Variants in DDX60 observed in about 807,000 individuals in gnomAD.
DDX60 encodes the protein DExD/H-box helicase 60.
DDX60 carries 165 observed loss-of-function variants against 212.8 expected under a neutral mutation model. That is an observed-to-expected ratio of 0.78 (90% CI 0.68 to 0.88). The LOEUF is 0.88. Ranked by LOEUF, DDX60 falls within the 40% of genes least tolerant of loss-of-function variation. The pLI, the probability that DDX60 is intolerant of heterozygous loss-of-function variation, is 0.00. For missense variants in DDX60, 1,905 were observed against 2,003.9 expected (o/e 0.95, Z 0.94); for synonymous variants, 703 against 685.3 (o/e 1.03, Z -0.40).
At chr4:168,311,160 A>C in intron 2 of DDX60, 93 bp from the exon 3 acceptor site, 7 of 1,485,130 alleles carry the variant, frequency 4.7e-6, no homozygotes, top group Non-Finnish European at 6.5e-6. Context: ...TCAAGAAAGT[A>C]AAACAGTAAT....
chr4:168,310,283 A>C (rs1737072278), intron 3 of DDX60, among the ~76,000 whole-genome samples: 1 of 152,178 alleles, frequency 6.6e-6, no homozygotes, highest in Admixed American at 6.5e-5. Flanking sequence ...TACACACAGT[A>C]ATCTATGGAA....
chr4:168,304,386 A>G (rs976307418), intron 5 of DDX60, among the ~76,000 whole-genome samples: 4 of 152,088 alleles, frequency 2.6e-5, no homozygotes, highest in Non-Finnish European at 4.4e-5. Flanking sequence ...TAACAGAAAA[A>G]AAGCTGACAG....
At chr4:168,263,038 A>G (rs997278083) in intron 22 of DDX60, among the ~76,000 whole-genome samples, 1 of 152,220 alleles carries the variant, frequency 6.6e-6, no homozygotes, top group Non-Finnish European at 1.5e-5. Context: ...CTAATTTTCT[A>G]TGAACTGACT....
At chr4:168,303,811 G>C (rs901632399) in intron 5 of DDX60, among the ~76,000 whole-genome samples, 2 of 152,034 alleles carry the variant, frequency 1.3e-5, no homozygotes, top group Non-Finnish European at 2.9e-5. Flanking sequence ...GTGAAACCCC[G>C]TCTCTACTAA....
rs1380310651 is a variant in DDX60 at position 168,306,511 on chromosome 4, G to T, written c.474C>A (p.Phe158Leu). The T allele has an allele frequency of 2.5e-6, 4 of 1,614,018 alleles. No individual in the cohort carries two copies. Among genetic ancestry groups the T allele is most frequent in the Non-Finnish European group, 3.4e-6 (4 of 1,180,026 alleles). The stretch of plus-strand genomic sequence containing the variant: ...CCCAAGAATGAATGATTAAAAAGTT[G>T]AAAAGCTGTGTTTGTAGATCGTTCA... Reference protein sequence around the residue: ...EGLNDLQTQLFNFLIIHSWAR... With the variant: ...EGLNDLQTQLLNFLIIHSWAR... Residue 158 changes from phenylalanine (F) to leucine (L), a missense_variant, in exon 5 of 38, where the codon TTC (phenylalanine) becomes TTA (leucine). Coordinates refer to ENST00000393743, the MANE Select transcript of DDX60 (RefSeq NM_017631.6).
At position 168,216,809 on chromosome 4, in the gene DDX60, C is replaced by T. The variant is rs373418028; in HGVS notation, c.*124G>A. 1 of 592,852 alleles carries T rather than the reference C, an allele frequency of 1.7e-6. No homozygotes were observed. Among genetic ancestry groups the T allele is most frequent in the South Asian group, 2.4e-5 (1 of 41,266 alleles). 36.7% of individuals were successfully genotyped at this position (592,852 alleles called of 1,614,324 possible). Reference sequence around the variant, plus strand: ...TTGATTCCAAAGTGTTTGCTCTTTCCACTTCATCGTAATGTATTTCCACTT... The same window carrying T: ...TTGATTCCAAAGTGTTTGCTCTTTCTACTTCATCGTAATGTATTTCCACTT... On this transcript the variant is annotated 3_prime_UTR_variant, in exon 38 of 38. Transcript: ENST00000393743.
At chr4:168,252,361 T>C in intron 27 of DDX60, 148 bp downstream of exon 27, 1 of 931,292 alleles carries the variant, frequency 1.1e-6, no homozygotes, top group South Asian at 1.6e-5. Flanking sequence ...AAGAGTGATA[T>C]GTAGCTAAAG....
At position 168,272,130 on chromosome 4, in the gene DDX60, A is replaced by G; in HGVS notation, c.2583T>C (p.Ile861=). ...GAATTTCAAAGCAGGCAGGCACTGT[A>G]ATAAGTACCTACAAAGAATAATATT... ...RHDALNCQVL[I]TVPACFEILL... The change falls in exon 19 of 38, where the codon ATT becomes ATC. Residue 861 remains isoleucine, a synonymous_variant. Coordinates refer to ENST00000393743, the MANE Select transcript of DDX60 (RefSeq NM_017631.6). 6.3e-7 allele frequency: 1 copy of G among 1,575,164 alleles called. No individual in the cohort carries two copies. Among genetic ancestry groups the G allele is most frequent in the African/African-American group, 1.3e-5 (1 of 74,102 alleles).
At position 168,284,923 on chromosome 4, in the gene DDX60, A is replaced by C; in HGVS notation, c.1458T>G (p.Ile486Met). The C allele has an allele frequency of 6.3e-7, 1 of 1,576,400 alleles. No individual in the cohort carries two copies. The highest frequency in any genetic ancestry group is 1.2e-5 in the South Asian group (1 of 86,634). The change falls in exon 12 of 38, where the codon ATT (isoleucine) becomes ATG (methionine). Residue 486 changes from isoleucine to methionine, a missense_variant. Physicochemically the swap from Ile to Met is conservative, Grantham distance 10. Coordinates refer to ENST00000393743, the MANE Select transcript of DDX60 (RefSeq NM_017631.6). ...CCTTTTGTTTAACCAGTGAAGTAAC[A>C]ATAGGATCATCACTGTGAGACAAAA... Reference protein sequence around the residue: ...DLPFLKSDDPIVTSLVKQKEF... With the variant: ...DLPFLKSDDPMVTSLVKQKEF...
In DDX60 at chr4:168,306,635, A is replaced by G. The variant is rs939581167; in HGVS notation, c.350T>C (p.Ile117Thr). 6.2e-7 allele frequency: 1 copy of G among 1,614,150 alleles called. No individual in the cohort carries two copies. Among genetic ancestry groups the G allele is most frequent in the East Asian group, 2.2e-5 (1 of 44,870 alleles). The change falls in exon 5 of 38, where the codon ATT becomes ACT. Residue 117 changes from isoleucine (I) to threonine (T), a missense_variant. Transcript: ENST00000393743. ...LILHLQKNTT[I>T]DVRTTFSRCL... Reference sequence around the variant, plus strand: ...TCTCGAAAATGTTGTTCGAACATCAATGGTGGTATTCTTCTGAAGATGAAG... The same window carrying G: ...TCTCGAAAATGTTGTTCGAACATCAGTGGTGGTATTCTTCTGAAGATGAAG...
In DDX60 at chr4:168,316,855, C is replaced by T. The variant is rs111237194; in HGVS notation, c.-107+1767G>A. On this transcript the variant is annotated intron_variant, in intron 1 of 37. Transcript: ENST00000393743. ...GGCAGATCACCTGAGGTCGGGAGTT[C>T]GAGACCAGACTGGCCAACATGGTGA... Among the ~76,000 whole-genome samples, 519 of 151,542 alleles carry T rather than the reference C, an allele frequency of 3.4e-3. 2 individuals are homozygous for T. Among genetic ancestry groups the T allele is most frequent in the African/African-American group, 9.3e-3 (384 of 41,368 alleles).
At chr4:168,307,678 C>T (rs1371432394) in intron 4 of DDX60, among the ~76,000 whole-genome samples, 1 of 152,106 alleles carries the variant, frequency 6.6e-6, no homozygotes, top group African/African-American at 2.4e-5. Flanking sequence ...AAATTGCCTG[C>T]TGAGTTTTGA....
intron 12 of DDX60, among the ~76,000 whole-genome samples, chr4:168,284,184 A>G (rs1488260409): frequency 2.0e-5 from 3 of 152,188 alleles, no homozygotes; most frequent in African/African-American, 7.2e-5. Flanking sequence ...ACCACTCCGA[A>G]GCATGTTAAT....
intron 33 of DDX60, among the ~76,000 whole-genome samples, chr4:168,230,063 G>A (rs1389040998): frequency 6.6e-6 from 1 of 151,932 alleles, no homozygotes; most frequent in African/African-American, 2.4e-5. Flanking sequence ...AAGCAAGCAG[G>A]AGTAGCTATT....
intron 30 of DDX60, among the ~76,000 whole-genome samples, chr4:168,238,666 G>C (rs1291551262): frequency 6.6e-6 from 1 of 151,760 alleles, no homozygotes; most frequent in Non-Finnish European, 1.5e-5. Flanking sequence ...AGTCAGAGAT[G>C]GCAATAGTCA....
intron 8 of DDX60, among the ~76,000 whole-genome samples, chr4:168,290,391 C>T (rs1736038550): frequency 1.4e-5 from 2 of 147,460 alleles, no homozygotes; most frequent in Admixed American, 6.9e-5. Context: ...TACAGTGGTG[C>T]GATCTCGGCT....
intron 8 of DDX60, among the ~76,000 whole-genome samples, chr4:168,291,484 A>G (rs1040424287): frequency 2.0e-5 from 3 of 152,228 alleles, no homozygotes; most frequent in Admixed American, 1.3e-4. Context: ...ACTACAGTTG[A>G]TAACACAAAA....
intron 30 of DDX60, among the ~76,000 whole-genome samples, chr4:168,241,034 G>A (rs1733818875): frequency 6.6e-6 from 1 of 152,154 alleles, no homozygotes; most frequent in Admixed American, 6.5e-5. Flanking sequence ...TCCTAATAGT[G>A]AATATGTCTT....
chr4:168,217,994 G>A (rs1422408556), intron 37 of DDX60, among the ~76,000 whole-genome samples: 2 of 152,118 alleles, frequency 1.3e-5, no homozygotes, highest in Admixed American at 1.3e-4. Context: ...AGAAACTAAT[G>A]TACAGGTAAC....
Sources: gnomAD v4.1 joint callset for allele counts (sites outside exome capture counted in the v4.1 genomes callset) on GRCh38, gnomAD v4.1.1 for gene constraint, MANE v1.5 for transcripts, NCBI Gene and HGNC (gene_info 2026-07-23, HGNC 2026-07-21) for gene names.